The following ANK3 variants were observed in gnomAD, a reference collection of about 807,000 sequenced individuals.
ANK3 encodes ankyrin-3.
Under a neutral mutation model 370.9 loss-of-function variants are expected in ANK3, and 57 were observed. The ratio of observed to expected loss-of-function variants is 0.15; its 90% CI spans 0.12 to 0.19. The LOEUF (loss-of-function observed/expected upper bound fraction) is 0.19. Among genes scored for constraint, ANK3 ranks in the 10% least tolerant of loss-of-function variants. ANK3 has a pLI of 1.00. For missense variants in ANK3, 4,439 were observed against 5,302.1 expected (o/e 0.84, Z 5.06); for synonymous variants, 1,929 against 1,946.3 (o/e 0.99, Z 0.23).
intron 2 of ANK3, among the ~76,000 whole-genome samples, chr10:60,597,812 C>T (rs759805796): frequency 8.6e-5 from 13 of 152,018 alleles, no homozygotes; most frequent in African/African-American, 3.1e-4. Context: ...GAACTGCAAC[C>T]CTTTCTTAAG....
In ANK3 at chr10:60,198,348, T is replaced by C. The variant is rs375910388; in HGVS notation, c.1681A>G (p.Thr561Ala). The change falls in exon 14 of 44, where the codon ACA (threonine) becomes GCA (alanine). Residue 561 changes from threonine (T) to alanine (A), a missense_variant. Physicochemically the swap from Thr to Ala is moderately conservative, Grantham distance 58. Transcript: ENST00000280772. ...LLDHGASLSI[T>A]TKKGFTPLHV... The stretch of plus-strand genomic sequence containing the variant: ...GAGATTTGCTTTCATACCTTTGTTG[T>C]TATAGATAAAGACGCTCCATGATCC... 9.3e-6 allele frequency: 15 copies of C among 1,614,038 alleles called. No individual in the cohort carries two copies. Among genetic ancestry groups the C allele is most frequent in the Non-Finnish European group, 1.3e-5 (15 of 1,180,024 alleles).
At chr10:60,661,272 T>C (rs1162450256) in intron 1 of ANK3, among the ~76,000 whole-genome samples, 2 of 151,746 alleles carry the variant, frequency 1.3e-5, no homozygotes, top group African/African-American at 4.8e-5. Flanking sequence ...ATTACAAAAA[T>C]AGTATATTTA....
chr10:60,297,805 A>G (rs1179067750), intron 1 of ANK3, among the ~76,000 whole-genome samples: 1 of 152,154 alleles, frequency 6.6e-6, no homozygotes, highest in Non-Finnish European at 1.5e-5. Context: ...TATTTACTAC[A>G]TAACTAAAAG....
intron 7 of ANK3, among the ~76,000 whole-genome samples, chr10:60,239,725 C>T (rs539792972): frequency 7.2e-5 from 11 of 151,780 alleles, no homozygotes; most frequent in South Asian, 2.1e-4. Flanking sequence ...AAAGAGATAA[C>T]GGATGGTCCA....
rs1591750513 is a variant in ANK3 at position 60,207,971 on chromosome 10, A to G, written c.1194+65T>C. On this transcript the variant is annotated intron_variant, in intron 10 of 43. Coordinates refer to ENST00000280772, the MANE Select transcript of ANK3 (RefSeq NM_020987.5). ...TTAACCTCCTCAAAGCATTCCCTTC[A>G]CATACAGAGGCAGCACGTTGTGAGC... The G allele has an allele frequency of 2.2e-5, 31 of 1,389,608 alleles. No individual in the cohort carries two copies. The East Asian group carries it at 7.1e-4, about 32-fold the overall frequency. The allele number at this position is 1,389,608 out of a possible 1,614,324, so 86.1% of individuals were successfully genotyped here.
chr10:60,712,340 T>A (rs1475028525), intron 1 of ANK3, among the ~76,000 whole-genome samples: 1 of 151,796 alleles, frequency 6.6e-6, no homozygotes, highest in Non-Finnish European at 1.5e-5. Context: ...ACAGCAATAT[T>A]ATAAGGGATG....
chr10:60,070,170 C>T lies in ANK3; in HGVS notation c.10711G>A (p.Val3571Ile). ...GTTGTTGCTGGAGAGCGGTCTTCTA[C>T]CGCCAGCCCAAATGGCTTAGTTTCA... ...EDETKPFGLA[V>I]EDRSPATTPD... The change falls in exon 37 of 44, where the codon GTA becomes ATA. Residue 3571 changes from valine (V) to isoleucine (I), a missense_variant. Val to Ile is a conservative substitution (Grantham distance 29). This residue lies in a region of ANK3 where 1,601 missense variants were observed against 1,731.7 expected (regional missense o/e 0.92). Transcript: ENST00000280772. This position sits in a 1 kb window ranked among gnomAD's most constrained non-coding sequence, Gnocchi z 5.7. 6.2e-7 allele frequency: 1 copy of T among 1,614,134 alleles called. No individual in the cohort carries two copies. The highest frequency in any genetic ancestry group is 1.1e-5 in the South Asian group (1 of 91,090).
At chr10:60,506,000 C>G (rs796610739) in intron 2 of ANK3, among the ~76,000 whole-genome samples, 10 of 152,150 alleles carry the variant, frequency 6.6e-5, no homozygotes, top group African/African-American at 2.4e-4. Flanking sequence ...TCAAGTTTCT[C>G]CACCCAATTA....
chr10:60,595,319 C>G (rs184320248), intron 2 of ANK3, among the ~76,000 whole-genome samples: 4 of 152,036 alleles, frequency 2.6e-5, no homozygotes, highest in African/African-American at 9.6e-5. Flanking sequence ...AATTTGGAGG[C>G]TAGGGTTTTT....
At chr10:60,140,298 T>TC in intron 23 of ANK3, 2 of 1,568,546 alleles carry the variant, frequency 1.3e-6, no homozygotes, top group Non-Finnish European at 1.8e-6. Flanking sequence ...ATTTGCACAT[T>TC]CACTGCATCT....
intron 2 of ANK3, among the ~76,000 whole-genome samples, chr10:60,470,559 C>G (rs766920591): frequency 6.6e-6 from 1 of 152,044 alleles, no homozygotes; most frequent in Non-Finnish European, 1.5e-5. Context: ...AGAAGAAATA[C>G]ACATTTGAGG....
intron 1 of ANK3, among the ~76,000 whole-genome samples, chr10:60,348,347 C>CAAAAAAAAAAAAAA (rs35147179): frequency 1.5e-5 from 1 of 68,168 alleles, no homozygotes; most frequent in Non-Finnish European, 2.6e-5. Context: ...TATCACTAGC[C>CAAAAAAAAAAAAAA]AAAAAAAAAA....
intron 2 of ANK3, among the ~76,000 whole-genome samples, chr10:60,417,885 A>G (rs2063700887): frequency 6.6e-6 from 1 of 152,132 alleles, no homozygotes; most frequent in Non-Finnish European, 1.5e-5. Flanking sequence ...TCAAAATAAA[A>G]CATTTATTAA....
Position 60,043,864 on chromosome 10 carries a change from C to G in ANK3, c.13066-1105G>C, listed in dbSNP as rs1342786366. The G allele has an allele frequency of 3.2e-6, 3 of 949,430 alleles. No homozygotes were observed. The African/African-American group carries it at 5.9e-5, about 19-fold the overall frequency. The allele number at this position is 949,430 out of a possible 1,614,324, so 58.8% of individuals were successfully genotyped here. ...ATAAATGACCTTATCTTTGTGAAAA[C>G]TCTGAAGACAGTTAAAAAAAAAAAG... On this transcript the variant is annotated intron_variant, in intron 42 of 43. Coordinates refer to ENST00000280772, the MANE Select transcript of ANK3 (RefSeq NM_020987.5).
At chr10:60,042,527 A>C in intron 43 of ANK3, 145 bp downstream of exon 43, 2 of 821,898 alleles carry the variant, frequency 2.4e-6, no homozygotes, top group Non-Finnish European at 3.8e-6. Flanking sequence ...ACATCAACAG[A>C]ACTTGAACAA....
At chr10:60,250,463 C>G (rs2097638863) in intron 7 of ANK3, among the ~76,000 whole-genome samples, 1 of 152,180 alleles carries the variant, frequency 6.6e-6, no homozygotes, top group Non-Finnish European at 1.5e-5. Flanking sequence ...CTCCCAGGTT[C>G]AAGCAATTCT....
At chr10:60,421,487 T>G (rs753018914) in intron 2 of ANK3, among the ~76,000 whole-genome samples, 1 of 151,994 alleles carries the variant, frequency 6.6e-6, no homozygotes, top group Non-Finnish European at 1.5e-5. Context: ...CCTACCAGCC[T>G]GTGAAACTAG....
At position 60,070,212 on chromosome 10, in the gene ANK3, T is replaced by G. The variant is rs757526141; in HGVS notation, c.10669A>C (p.Ser3557Arg). 4 of 1,614,152 alleles carry G rather than the reference T, an allele frequency of 2.5e-6. No homozygotes were observed. Among genetic ancestry groups the G allele is most frequent in the Admixed American group, 3.3e-5 (2 of 60,012 alleles). Residue 3557 changes from serine to arginine, a missense_variant, in exon 37 of 44, where the codon AGT becomes CGT. By Grantham distance (110) the Ser-to-Arg change is moderately radical (BLOSUM62 -1). Transcript: ENST00000280772. The surrounding 1 kb of genome is among the most constrained non-coding windows in gnomAD (Gnocchi z 5.7). ...NNRGDDEVFD[S>R]KSREDETKPF... ...TTAGTTTCATCTTCCCGTGATTTAC[T>G]GTCAAAAACTTCATCATCCCCTCGG...
intron 1 of ANK3, among the ~76,000 whole-genome samples, chr10:60,617,674 T>G (rs10994431): frequency 0.15 from 22,812 of 152,254 alleles, 2,163 homozygotes; most frequent in South Asian, 0.26. Flanking sequence ...ATTCTTGTGC[T>G]CACAGTATAA....
Sources: gnomAD v4.1 joint callset for allele counts (sites outside exome capture counted in the v4.1 genomes callset) on GRCh38, gnomAD v4.1.1 for gene constraint, gnomAD v4.1.1 regional missense constraint, Gnocchi (gnomAD v3.1) non-coding constraint, MANE v1.5 for transcripts, NCBI Gene and HGNC (gene_info 2026-07-23, HGNC 2026-07-21) for gene names.